Variants in EPHA3 observed in about 807,000 individuals in gnomAD.
EPHA3 encodes EPH receptor A3.
In EPHA3, 42 loss-of-function variants were observed where a neutral mutation model predicts 107.1. That is an observed-to-expected ratio of 0.39 (90% CI 0.31 to 0.51). The LOEUF is 0.51. Ranked by LOEUF, EPHA3 falls within the 20% of genes least tolerant of loss-of-function variation. EPHA3 has a pLI of 0.78. For synonymous variants in EPHA3, 461 were observed against 424.8 expected, an observed-to-expected ratio of 1.09 and a Z score of -1.05; for missense variants, 1,183 against 1,211.2, an observed-to-expected ratio of 0.98 and a Z score of 0.35.
At chr3:89,150,912 G>A (rs556530474) in intron 2 of EPHA3, among the ~76,000 whole-genome samples, 34 of 152,048 alleles carry the variant, frequency 2.2e-4, no homozygotes, top group Admixed American at 2.0e-3. Flanking sequence ...GGAGTTAGAG[G>A]CTGCAGTGAG....
At chr3:89,322,561 G>T (rs1411525919) in intron 3 of EPHA3, among the ~76,000 whole-genome samples, 1 of 152,100 alleles carries the variant, frequency 6.6e-6, no homozygotes, top group African/African-American at 2.4e-5. Flanking sequence ...CAAAAGTGAG[G>T]ACGAGATGTA....
intron 2 of EPHA3, among the ~76,000 whole-genome samples, chr3:89,188,465 C>A (rs531031960): frequency 5.3e-4 from 81 of 152,266 alleles, no homozygotes; most frequent in South Asian, 1.7e-3. Flanking sequence ...TTTTCTTAAG[C>A]TCTTTCCTAG....
chr3:89,123,225 A>T (rs1576165039), intron 1 of EPHA3, among the ~76,000 whole-genome samples: 1 of 152,154 alleles, frequency 6.6e-6, no homozygotes, highest in Non-Finnish European at 1.5e-5. Flanking sequence ...GCTCACTGCA[A>T]CCTGCGCCTC....
At chr3:89,291,004 C>T (rs796518273) in intron 3 of EPHA3, among the ~76,000 whole-genome samples, 33 of 152,232 alleles carry the variant, frequency 2.2e-4, no homozygotes, top group African/African-American at 7.7e-4. Context: ...CTGCCAGGCT[C>T]AAATCACTTG....
At chr3:89,214,165 G>C (rs1704172279) in intron 3 of EPHA3, among the ~76,000 whole-genome samples, 2 of 151,908 alleles carry the variant, frequency 1.3e-5, no homozygotes, top group African/African-American at 4.8e-5. Flanking sequence ...TTAGCCAAAA[G>C]CTCTTGTCAC....
chr3:89,236,655 G>A (rs1478728640), intron 3 of EPHA3, among the ~76,000 whole-genome samples: 9 of 151,166 alleles, frequency 6.0e-5, no homozygotes, highest in African/African-American at 1.9e-4. Context: ...TGGGTGCAGC[G>A]CACCAGCATG....
At chr3:89,307,632 A>T (rs761204808) in intron 3 of EPHA3, among the ~76,000 whole-genome samples, 1 of 152,090 alleles carries the variant, frequency 6.6e-6, no homozygotes, top group Non-Finnish European at 1.5e-5. Context: ...GCGCAATCAC[A>T]GCTCACTGCA....
At chr3:89,444,728 A>C (rs967845478) in intron 13 of EPHA3, among the ~76,000 whole-genome samples, 15 of 152,018 alleles carry the variant, frequency 9.9e-5, no homozygotes, top group Non-Finnish European at 1.9e-4. Flanking sequence ...CAAATGACAA[A>C]ATTTTCTAAA....
At chr3:89,326,604 G>A (rs983919829) in intron 3 of EPHA3, among the ~76,000 whole-genome samples, 2 of 151,882 alleles carry the variant, frequency 1.3e-5, no homozygotes, top group African/African-American at 4.8e-5. Flanking sequence ...TGCCCAGGCT[G>A]GTCTGGAACT....
chr3:89,211,723 TTTTTCTTCTTCTTCTTCTCCTTCTTC>T, intron 3 of EPHA3, among the ~76,000 whole-genome samples: 1 of 128,414 alleles, frequency 7.8e-6, no homozygotes, highest in Non-Finnish European at 1.7e-5. Flanking sequence ...CCTCTTCTTC[TTTTTCTTCTTCTTCTTCTCCTTCTTC>T]TTCTTCTTCT....
intron 2 of EPHA3, among the ~76,000 whole-genome samples, chr3:89,195,305 A>G (rs1705812017): frequency 6.6e-6 from 1 of 152,102 alleles, no homozygotes; most frequent in African/African-American, 2.4e-5. Context: ...CATAAAAAAC[A>G]GGAAAGCTGT....
At chr3:89,263,363 C>T (rs1382793270) in intron 3 of EPHA3, among the ~76,000 whole-genome samples, 1 of 152,160 alleles carries the variant, frequency 6.6e-6, no homozygotes, top group Non-Finnish European at 1.5e-5. Flanking sequence ...TGCCCTCCAC[C>T]AGCAAGGGCA....
At chr3:89,443,516 AT>A (rs1709822980) in intron 13 of EPHA3, among the ~76,000 whole-genome samples, 1 of 152,202 alleles carries the variant, frequency 6.6e-6, no homozygotes, top group African/African-American at 2.4e-5. Context: ...ATTCACATAT[AT>A]TATGAAAAAC....
At chr3:89,342,267 T>A (rs752997124) in intron 5 of EPHA3, among the ~76,000 whole-genome samples, 177 bp downstream of exon 5, 28 of 152,094 alleles carry the variant, frequency 1.8e-4, no homozygotes, top group Non-Finnish European at 3.4e-4. Flanking sequence ...CAAGTGAGAA[T>A]AAACCATATT....
Position 89,419,269 on chromosome 3 carries a change from C to T in EPHA3, c.1953C>T (p.Ala651=), listed in dbSNP as rs148670200. The T allele has an allele frequency of 1.2e-5, 19 of 1,610,310 alleles. No individual in the cohort carries two copies. In the African/African-American group the frequency reaches 2.4e-4, roughly 20 times the overall value. ...CTTCAAAAAAAGAGATTTCAGTGGC[C>T]ATTAAGACCCTGAAAGTTGGCTACA... is the stretch of plus-strand genomic sequence containing the variant. ...KLPSKKEISV[A]IKTLKVGYTE... The change falls in exon 11 of 17, where the codon GCC becomes GCT. Residue 651 remains alanine (A), a synonymous_variant. Transcript: ENST00000336596.
At position 89,156,638 on chromosome 3, in the gene EPHA3, C is replaced by G. The variant is rs549316902; in HGVS notation, c.153+29365C>G. 5.9e-5 allele frequency among the ~76,000 whole-genome samples: 9 copies of G among 151,766 alleles called. No homozygotes were observed. The South Asian group carries it at 1.9e-3, about 32-fold the overall frequency. On this transcript the variant is annotated intron_variant, in intron 2 of 16. Coordinates refer to ENST00000336596, the MANE Select transcript of EPHA3 (RefSeq NM_005233.6). The stretch of plus-strand genomic sequence containing the variant: ...AAGCGTTTGCCATTTTTTTTCTTTA[C>G]TTTGTGAAAATGTTTACTTCTTAGG...
chr3:89,192,348 G>A (rs1372665994), intron 2 of EPHA3, among the ~76,000 whole-genome samples: 2 of 152,042 alleles, frequency 1.3e-5, no homozygotes, highest in Non-Finnish European at 2.9e-5. Context: ...CTGAGCCTTC[G>A]TAGATCCAGA....
chr3:89,389,281 A>G (rs1708680332), intron 5 of EPHA3, among the ~76,000 whole-genome samples: 1 of 152,218 alleles, frequency 6.6e-6, no homozygotes, highest in African/African-American at 2.4e-5. Flanking sequence ...TCACTTCTGA[A>G]AAAACTGAGA....
At chr3:89,189,709 C>A (rs992182131) in intron 2 of EPHA3, among the ~76,000 whole-genome samples, 7 of 152,174 alleles carry the variant, frequency 4.6e-5, no homozygotes, top group Admixed American at 1.3e-4. Flanking sequence ...GCTCCCCTGA[C>A]AAATTCTTTT....
Sources: gnomAD v4.1 joint callset for allele counts (sites outside exome capture counted in the v4.1 genomes callset) on GRCh38, gnomAD v4.1.1 for gene constraint, MANE v1.5 for transcripts, NCBI Gene and HGNC (gene_info 2026-07-23, HGNC 2026-07-21) for gene names.